The following ARHGEF26 variants were observed in gnomAD, a reference collection of about 807,000 sequenced individuals.
ARHGEF26 encodes the protein Rho guanine nucleotide exchange factor 26.
In ARHGEF26, 59 loss-of-function variants were observed where a neutral mutation model predicts 89.4. The ratio of observed to expected loss-of-function variants is 0.66; its 90% confidence interval spans 0.54 to 0.82. The LOEUF is 0.82. Ranked by LOEUF, ARHGEF26 falls within the 40% of genes least tolerant of loss-of-function variation. The pLI is 0.00. For missense variants in ARHGEF26, 1,234 were observed against 1,085.6 expected, an observed-to-expected ratio of 1.14 and a Z score of -1.92; for synonymous variants, 500 against 428.4, an observed-to-expected ratio of 1.17 and a Z score of -2.06.
At chr3:154,184,523 A>G (rs1713397770) in intron 6 of ARHGEF26, among the ~76,000 whole-genome samples, 1 of 152,288 alleles carries the variant, frequency 6.6e-6, no homozygotes, top group East Asian at 1.9e-4. Flanking sequence ...GTCTTCATTA[A>G]TGGTTTAAGA....
intron 13 of ARHGEF26, 28 bp downstream of exon 13, chr3:154,253,211 T>G: frequency 6.2e-7 from 1 of 1,613,620 alleles, no homozygotes; most frequent in African/African-American, 1.3e-5. Context: ...GAAGCCCACT[T>G]GGGAACATGG....
At chr3:154,229,902 T>C (rs948472807) in intron 11 of ARHGEF26, among the ~76,000 whole-genome samples, 1 of 152,172 alleles carries the variant, frequency 6.6e-6, no homozygotes, top group Non-Finnish European at 1.5e-5. Context: ...GTTATACTCA[T>C]AGATTAACAA....
At chr3:154,177,335 T>C (rs1712888642) in intron 6 of ARHGEF26, among the ~76,000 whole-genome samples, 1 of 152,228 alleles carries the variant, frequency 6.6e-6, no homozygotes, top group Non-Finnish European at 1.5e-5. Context: ...GAAAGCCTTG[T>C]AAGAGGGTAT....
chr3:154,133,296 G>A lies in ARHGEF26; in HGVS notation c.1269+3577G>A, dbSNP rs1449883052. ...GATGACAGGTGGTTCCCCATTTATG[G>A]TGTTGGGACAGGTTTAACTGTAGTG... On this transcript the variant is annotated intron_variant, in intron 4 of 14. Coordinates refer to ENST00000465093, the MANE Select transcript of ARHGEF26 (RefSeq NM_015595.4). Among the ~76,000 whole-genome samples, 4 of 152,234 alleles carry A rather than the reference G, an allele frequency of 2.6e-5. No homozygotes were observed. In the South Asian group the frequency reaches 6.2e-4, roughly 24 times the overall value.
intron 9 of ARHGEF26, among the ~76,000 whole-genome samples, chr3:154,195,561 G>A (rs1714238216): frequency 6.6e-6 from 1 of 152,174 alleles, no homozygotes; most frequent in South Asian, 2.1e-4. Context: ...AACTGATTGG[G>A]TGAGCACATT....
intron 8 of ARHGEF26, among the ~76,000 whole-genome samples, chr3:154,191,799 TC>T (rs2108188098): frequency 6.6e-6 from 1 of 152,278 alleles, no homozygotes; most frequent in African/African-American, 2.4e-5. Context: ...ATCACTGAGA[TC>T]CCTTCATCTA....
chr3:154,232,614 C>T (rs980740510), intron 11 of ARHGEF26, among the ~76,000 whole-genome samples: 45 of 152,146 alleles, frequency 3.0e-4, no homozygotes, highest in African/African-American at 1.0e-3. Context: ...GGATGGCGTT[C>T]TGTTAAGAAA....
intron 11 of ARHGEF26, among the ~76,000 whole-genome samples, chr3:154,227,024 A>G (rs1716534361): frequency 6.6e-6 from 1 of 152,196 alleles, no homozygotes; most frequent in Admixed American, 6.5e-5. Flanking sequence ...TATAGCTTGA[A>G]AATTCAAACT....
chr3:154,239,407 C>T (rs1717360709), intron 11 of ARHGEF26, among the ~76,000 whole-genome samples: 1 of 150,206 alleles, frequency 6.7e-6, no homozygotes, highest in South Asian at 2.1e-4. Flanking sequence ...GGATCGGAAA[C>T]GATCCAGGGG....
intron 6 of ARHGEF26, among the ~76,000 whole-genome samples, chr3:154,174,154 T>A (rs1442375640): frequency 1.3e-5 from 2 of 152,104 alleles, no homozygotes; most frequent in Non-Finnish European, 2.9e-5. Context: ...GGGTGTGAGA[T>A]GGGTCTGAGT....
At chr3:154,210,886 T>C (rs1159648503) in intron 9 of ARHGEF26, among the ~76,000 whole-genome samples, 3 of 151,074 alleles carry the variant, frequency 2.0e-5, no homozygotes, top group Non-Finnish European at 4.4e-5. Context: ...GAGGTTGCAG[T>C]GAGCCAAGGT....
At chr3:154,209,856 C>T (rs1715255373) in intron 9 of ARHGEF26, among the ~76,000 whole-genome samples, 1 of 152,140 alleles carries the variant, frequency 6.6e-6, no homozygotes, top group African/African-American at 2.4e-5. Flanking sequence ...TCCCCCAGGC[C>T]CCAGGTGGGT....
At chr3:154,164,435 T>C (rs1264534687) in intron 6 of ARHGEF26, among the ~76,000 whole-genome samples, 1 of 88,744 alleles carries the variant, frequency 1.1e-5, no homozygotes, top group Non-Finnish European at 2.1e-5. Flanking sequence ...ATGGTATTTG[T>C]TAAAGAACTT....
chr3:154,153,139 T>C (rs1720125849), intron 6 of ARHGEF26, among the ~76,000 whole-genome samples: 1 of 152,148 alleles, frequency 6.6e-6, no homozygotes, highest in African/African-American at 2.4e-5. Context: ...AGCAGACGGC[T>C]GTCCTAAGTT....
chr3:154,143,495 ATTTCTTGTTGTTAATCATGTGTGTG>A (rs1719512234), intron 4 of ARHGEF26, among the ~76,000 whole-genome samples: 1 of 152,038 alleles, frequency 6.6e-6, no homozygotes, highest in South Asian at 2.1e-4. Flanking sequence ...CTTTTAACCA[ATTTCTTGTTGTTAATCATGTGTGTG>A]TTTCTAATTT....
At chr3:154,204,454 CCT>C (rs1276126388) in intron 9 of ARHGEF26, among the ~76,000 whole-genome samples, 1 of 150,766 alleles carries the variant, frequency 6.6e-6, no homozygotes, top group Non-Finnish European at 1.5e-5. Flanking sequence ...CATGCCTCAG[CCT>C]CTCAAGTAGC....
intron 7 of ARHGEF26, among the ~76,000 whole-genome samples, chr3:154,188,493 C>A (rs1183240675): frequency 6.6e-6 from 1 of 152,144 alleles, no homozygotes; most frequent in Non-Finnish European, 1.5e-5. Flanking sequence ...CATCTGTGTC[C>A]TTAAAAGAGT....
intron 9 of ARHGEF26, among the ~76,000 whole-genome samples, chr3:154,197,492 C>T (rs1229206186): frequency 6.6e-6 from 1 of 152,016 alleles, no homozygotes; most frequent in African/African-American, 2.4e-5. Context: ...TGTTGAGGCC[C>T]AAGGTTTAGA....
rs797020550 is a variant in ARHGEF26 at position 154,254,881 on chromosome 3, C to T, written c.2473+57C>T. 4.2e-5 allele frequency: 59 copies of T among 1,410,986 alleles called. No homozygotes were observed. The African/African-American group carries it at 7.5e-4, about 18-fold the overall frequency. The allele number at this position is 1,410,986 out of a possible 1,614,324, so 87.4% of individuals were successfully genotyped here. A position where few individuals can be genotyped will look rare whatever the true frequency, so the allele number is the denominator to read the frequency against. On this transcript the variant is annotated intron_variant, in intron 14 of 14. Coordinates refer to ENST00000465093, the MANE Select transcript of ARHGEF26 (RefSeq NM_015595.4). ...GGTCCAGGATGCAGAGTGCTATAGA[C>T]CCGAGGAGTGTCATTTTGTCATCAT...
Sources: gnomAD v4.1 joint callset for allele counts (sites outside exome capture counted in the v4.1 genomes callset) on GRCh38, gnomAD v4.1.1 for gene constraint, MANE v1.5 for transcripts, NCBI Gene and HGNC (gene_info 2026-07-23, HGNC 2026-07-21) for gene names.